The following GBF1 variants were observed in gnomAD, a reference collection of about 807,000 sequenced individuals.
The protein encoded by GBF1 is golgi brefeldin A resistant guanine nucleotide exchange factor 1.
GBF1 carries 114 observed loss-of-function variants against 210.5 expected under a neutral mutation model. The ratio of observed to expected loss-of-function variants is 0.54; its 90% CI spans 0.47 to 0.63. The LOEUF (loss-of-function observed/expected upper bound fraction) is 0.63, where lower values mean the gene tolerates loss of function less well. Ranked by LOEUF, GBF1 falls within the 30% of genes least tolerant of loss-of-function variation. The pLI is 0.00. For missense variants in GBF1, 1,851 were observed against 2,357.7 expected (o/e 0.79, Z 4.45); for synonymous variants, 850 against 889.2 (o/e 0.96, Z 0.78).
At position 102,375,483 on chromosome 10, in the gene GBF1, A is replaced by G; in HGVS notation, c.3785A>G (p.Asp1262Gly). The G allele has an allele frequency of 6.2e-7, 1 of 1,613,588 alleles. No homozygotes were observed. The highest frequency in any genetic ancestry group is 8.5e-7 in the Non-Finnish European group (1 of 1,179,482). The change falls in exon 30 of 40, where the codon GAT (aspartate) becomes GGT (glycine). Residue 1262 changes from aspartate (D) to glycine (G), a missense_variant. Coordinates refer to ENST00000369983, the MANE Select transcript of GBF1 (RefSeq NM_001377137.1). ...AATGCAGCCAACATCCACTCAGGTG[A>G]TGACTGGGCCACACTCTTCACACTG... The part of the protein sequence containing the change: ...KTNAANIHSG[D>G]DWATLFTLLE...
At chr10:102,326,194 A>G (rs1185414491) in intron 3 of GBF1, among the ~76,000 whole-genome samples, 1 of 152,230 alleles carries the variant, frequency 6.6e-6, no homozygotes, top group East Asian at 1.9e-4. Context: ...ATGCAAGTTT[A>G]CGCCAAGTAT....
At chr10:102,310,745 C>T (rs922228199) in intron 3 of GBF1, among the ~76,000 whole-genome samples, 62 of 152,174 alleles carry the variant, frequency 4.1e-4, no homozygotes, top group African/African-American at 1.4e-3. Flanking sequence ...AGTGGGGCAG[C>T]GGCAAAGAGG....
chr10:102,363,233 C>T lies in GBF1; in HGVS notation c.1877-23C>T, dbSNP rs376752747. 1.3e-4 allele frequency: 202 copies of T among 1,600,026 alleles called. No individual in the cohort carries two copies. The Middle Eastern group carries it at 4.0e-3, about 32-fold the overall frequency. On this transcript the variant is annotated intron_variant, in intron 15 of 39. Coordinates refer to ENST00000369983, the MANE Select transcript of GBF1 (RefSeq NM_001377137.1). The surrounding 1 kb of genome is among the most constrained non-coding windows in gnomAD (Gnocchi z 4.2). ...TGGCTTCATACCCTATAAGTCTTCACGTATCTTCTTCTCTCTTACCAGCTG... is the reference window on the plus strand; with the variant it reads ...TGGCTTCATACCCTATAAGTCTTCATGTATCTTCTTCTCTCTTACCAGCTG...
At chr10:102,283,677 A>G (rs527635198) in intron 3 of GBF1, among the ~76,000 whole-genome samples, 2 of 152,354 alleles carry the variant, frequency 1.3e-5, no homozygotes, top group East Asian at 1.9e-4. Flanking sequence ...CAAAGTGACA[A>G]TATGAAGAAT....
At chr10:102,364,392 T>G (rs1250009944) in intron 17 of GBF1, among the ~76,000 whole-genome samples, 5 of 150,322 alleles carry the variant, frequency 3.3e-5, no homozygotes, top group Non-Finnish European at 5.9e-5. Context: ...GCCTGGCTAA[T>G]TTTTTGTATT....
chr10:102,320,230 C>T (rs1420301702), intron 3 of GBF1, among the ~76,000 whole-genome samples: 1 of 152,132 alleles, frequency 6.6e-6, no homozygotes, highest in East Asian at 1.9e-4. Flanking sequence ...TCCTTCGAAA[C>T]TTGATGGCTC....
At position 102,370,255 on chromosome 10, in the gene GBF1, G is replaced by A; in HGVS notation, c.3411+10G>A. 6.3e-7 allele frequency: 1 copy of A among 1,592,406 alleles called. No individual in the cohort carries two copies. The highest frequency in any genetic ancestry group is 2.2e-5 in the East Asian group (1 of 44,792). On this transcript the variant is annotated intron_variant, in intron 27 of 39. Coordinates refer to ENST00000369983, the MANE Select transcript of GBF1 (RefSeq NM_001377137.1). ...ACAGGAGCTCATGAAGGTAAAGGAT[G>A]AAGAAAGGAAACATGGAACAACTGG...
At chr10:102,357,917 A>G (rs971026827) in intron 8 of GBF1, 122 bp from the exon 9 acceptor site, 2 of 718,154 alleles carry the variant, frequency 2.8e-6, no homozygotes, top group African/African-American at 3.5e-5. Flanking sequence ...CTAGAGTCTT[A>G]CTTTAGCAAA....
chr10:102,309,417 G>A (rs936519117), intron 3 of GBF1, among the ~76,000 whole-genome samples: 2 of 152,182 alleles, frequency 1.3e-5, no homozygotes, highest in Non-Finnish European at 2.9e-5. Flanking sequence ...ATAAGGTCAC[G>A]AAAATGAAAT....
At chr10:102,336,508 G>C (rs1010059724) in intron 3 of GBF1, among the ~76,000 whole-genome samples, 5 of 152,036 alleles carry the variant, frequency 3.3e-5, no homozygotes, top group Non-Finnish European at 7.4e-5. Context: ...CTGGCACATA[G>C]TATACGCTCA....
rs772064854 is a variant in GBF1, at chr10:102,370,472, A to C, written c.3500A>C (p.Glu1167Ala). ...CLEMLLRIVL[E>A]NRDRVGCVWQ... ...GAGATGCTGCTAAGGATTGTGTTGG[A>C]GAACAGGTAAGATGAGCGTAGTCTT... The change falls in exon 28 of 40, where the codon GAG becomes GCG. Residue 1167 changes from glutamate to alanine, a missense_variant. Glu to Ala is a moderately radical substitution (Grantham distance 107, BLOSUM62 -1). Transcript: ENST00000369983. 185 of 1,608,008 alleles carry C rather than the reference A, an allele frequency of 1.2e-4. No homozygotes were observed. The highest frequency in any genetic ancestry group is 1.5e-4 in the Non-Finnish European group (181 of 1,174,490).
Position 102,382,478 on chromosome 10 carries a change from A to G in GBF1, c.*142A>G. On this transcript the variant is annotated 3_prime_UTR_variant, in exon 40 of 40. Transcript: ENST00000369983. ...ACTTGGATGGGGACCTGAAAAAGAG[A>G]ATGTTGATAGCCCCAGCTAAGACCC... The G allele has an allele frequency of 1.5e-6, 1 of 687,256 alleles. No individual in the cohort carries two copies. The highest frequency in any genetic ancestry group is 2.8e-5 in the East Asian group (1 of 35,444). The allele number at this position is 687,256 out of a possible 1,614,324, so 42.6% of individuals were successfully genotyped here. A position where few individuals can be genotyped will look rare whatever the true frequency, so the allele number is the denominator to read the frequency against.
intron 4 of GBF1, among the ~76,000 whole-genome samples, chr10:102,347,990 G>A (rs537221826): frequency 9.2e-5 from 14 of 152,268 alleles, no homozygotes; most frequent in Admixed American, 2.6e-4. Context: ...AGGTTGGAGT[G>A]CACTGGTGTG....
At chr10:102,300,054 T>C (rs1363174032) in intron 3 of GBF1, among the ~76,000 whole-genome samples, 1 of 152,206 alleles carries the variant, frequency 6.6e-6, no homozygotes, top group Non-Finnish European at 1.5e-5. Context: ...TCACATGATT[T>C]GGCAGGGGAT....
chr10:102,365,915 ACTGTGATAGAG>A (rs2059889720), intron 18 of GBF1, among the ~76,000 whole-genome samples: 1 of 152,136 alleles, frequency 6.6e-6, no homozygotes, highest in East Asian at 1.9e-4. Context: ...AGATCATGCC[ACTGTGATAGAG>A]CTGTGATAGA....
chr10:102,258,055 A>T (rs536790498), intron 1 of GBF1, among the ~76,000 whole-genome samples: 4 of 151,922 alleles, frequency 2.6e-5, no homozygotes, highest in Non-Finnish European at 5.9e-5. Context: ...TTTGAGTTGT[A>T]TCTTGAACTA....
Position 102,360,291 on chromosome 10 carries a change from A to G in GBF1, c.1288A>G (p.Met430Val), listed in dbSNP as rs1425210293. 1.2e-6 allele frequency: 2 copies of G among 1,613,554 alleles called. No homozygotes were observed. The highest frequency in any genetic ancestry group is 2.2e-5 in the East Asian group (1 of 44,876). ...DRHNSEVMIH[M>V]GLHLLTVALE... is the part of the protein sequence containing the mutation. ...CCATAACTCAGAGGTTATGATTCAC[A>G]TGGGACTGCATTTGCTGACAGTGGC... Residue 430 changes from methionine (M) to valine (V), a missense_variant, in exon 12 of 40, where the codon ATG (methionine) becomes GTG (valine). Around this residue, in one of 3 missense-constraint regions of GBF1, gnomAD observed 804 missense variants for 958.6 expected, o/e 0.84. Transcript: ENST00000369983.
chr10:102,263,955 T>G (rs1055619543), intron 3 of GBF1, among the ~76,000 whole-genome samples: 1 of 152,142 alleles, frequency 6.6e-6, no homozygotes, highest in African/African-American at 2.4e-5. Flanking sequence ...TCCTTTTAGA[T>G]TATTCTGAAG....
intron 6 of GBF1, 100 bp downstream of exon 6, chr10:102,352,051 TCTC>T: frequency 6.7e-6 from 5 of 741,694 alleles, no homozygotes; most frequent in Middle Eastern, 2.8e-4. Flanking sequence ...ATTCAGGACT[TCTC>T]CATCATCTAT....
Sources: gnomAD v4.1 joint callset for allele counts (sites outside exome capture counted in the v4.1 genomes callset) on GRCh38, gnomAD v4.1.1 for gene constraint, gnomAD v4.1.1 regional missense constraint, Gnocchi (gnomAD v3.1) non-coding constraint, MANE v1.5 for transcripts, NCBI Gene and HGNC (gene_info 2026-07-23, HGNC 2026-07-21) for gene names.